GRID2: variants seen among roughly 807,000 people sequenced by gnomAD.
The protein encoded by GRID2 is glutamate receptor ionotropic, delta-2.
Under a neutral mutation model 114.8 loss-of-function variants are expected in GRID2, and 33 were observed. That is an observed-to-expected ratio of 0.29 (90% CI 0.22 to 0.38). The LOEUF (loss-of-function observed/expected upper bound fraction) is 0.38. Ranked by LOEUF, GRID2 falls within the 10% of genes least tolerant of loss-of-function variation. The probability of loss-of-function intolerance (pLI) is 1.00; values close to 1 mark genes in which losing one functional copy is unlikely to be tolerated. For synonymous variants in GRID2, 505 were observed against 449.9 expected (o/e 1.12, Z -1.55); for missense variants, 1,184 against 1,257.7 (o/e 0.94, Z 0.89).
chr4:93,337,905 G>C (rs1037895207), intron 8 of GRID2, among the ~76,000 whole-genome samples: 1 of 152,080 alleles, frequency 6.6e-6, no homozygotes, highest in Admixed American at 6.6e-5. Flanking sequence ...TACACCCTTT[G>C]CCTTCCCTAG....
chr4:92,376,580 G>C (rs1729366653), intron 1 of GRID2, among the ~76,000 whole-genome samples: 1 of 152,130 alleles, frequency 6.6e-6, no homozygotes, highest in Non-Finnish European at 1.5e-5. Context: ...TGCCCCATTA[G>C]GGACTCTGTG....
intron 13 of GRID2, among the ~76,000 whole-genome samples, chr4:93,609,277 A>C (rs1395191490): frequency 1.2e-5 from 1 of 80,350 alleles, no homozygotes; most frequent in East Asian, 2.3e-4. Context: ...GTTCACTCTG[A>C]TGGTAGTTTC....
At chr4:93,114,919 G>A (rs1350558518) in intron 4 of GRID2, among the ~76,000 whole-genome samples, 2 of 152,104 alleles carry the variant, frequency 1.3e-5, no homozygotes, top group Admixed American at 6.6e-5. Flanking sequence ...TAATAATGAT[G>A]GATCAATGAT....
intron 1 of GRID2, among the ~76,000 whole-genome samples, chr4:92,579,019 A>AT (rs1728046721): frequency 6.6e-6 from 1 of 152,220 alleles, no homozygotes; most frequent in African/African-American, 2.4e-5. Flanking sequence ...AAACAACAAT[A>AT]TTTTTTGAGT....
chr4:93,419,125 C>G (rs941673177), intron 9 of GRID2, among the ~76,000 whole-genome samples: 3 of 118,368 alleles, frequency 2.5e-5, no homozygotes, highest in Non-Finnish European at 5.0e-5. Context: ...CTTTGTTGTC[C>G]TGTCAGTACC....
At chr4:93,423,707 A>C (rs1250703693) in intron 10 of GRID2, among the ~76,000 whole-genome samples, 1 of 152,076 alleles carries the variant, frequency 6.6e-6, no homozygotes, top group African/African-American at 2.4e-5. Context: ...TTCAATTCTC[A>C]GAAAGGTGTT....
chr4:93,773,347 T>C lies in GRID2; in HGVS notation c.*849T>C, dbSNP rs1734242185. 21 of 152,178 alleles carry C rather than the reference T, an allele frequency of 1.4e-4. No homozygotes were observed. Among genetic ancestry groups the C allele is most frequent in the Admixed American group, 1.4e-3 (21 of 15,272 alleles). 9.4% of individuals were successfully genotyped at this position (152,178 alleles called of 1,614,324 possible). ...TATTGTATACAGGAACTATGTATAG[T>C]GCAGGGGTTCTTTTCAGTTAGAAAA... On this transcript the variant is annotated 3_prime_UTR_variant, in exon 16 of 16. Coordinates refer to ENST00000282020, the MANE Select transcript of GRID2 (RefSeq NM_001510.4).
chr4:92,520,610 T>C (rs1724721957), intron 1 of GRID2, among the ~76,000 whole-genome samples: 1 of 151,956 alleles, frequency 6.6e-6, no homozygotes, highest in Non-Finnish European at 1.5e-5. Flanking sequence ...GGTATGCTAA[T>C]AGGCGCCCTA....
chr4:93,245,025 TAGAG>T (rs1380945377), intron 8 of GRID2, among the ~76,000 whole-genome samples: 3 of 152,226 alleles, frequency 2.0e-5, no homozygotes, highest in Non-Finnish European at 2.9e-5. Flanking sequence ...GTTTATATAA[TAGAG>T]AGAATCTAGA....
At chr4:93,441,439 T>C (rs1025569003) in intron 10 of GRID2, among the ~76,000 whole-genome samples, 2 of 152,018 alleles carry the variant, frequency 1.3e-5, no homozygotes, top group African/African-American at 4.8e-5. Context: ...AAAAATTTAT[T>C]ATAGCCTAGA....
At chr4:93,672,404 C>A (rs992282808) in intron 14 of GRID2, among the ~76,000 whole-genome samples, 1 of 152,210 alleles carries the variant, frequency 6.6e-6, no homozygotes, top group Admixed American at 6.5e-5. Flanking sequence ...CCCCCATGGG[C>A]AGAAAAGAGC....
chr4:92,467,155 T>C (rs1721800823), intron 1 of GRID2, among the ~76,000 whole-genome samples: 1 of 151,840 alleles, frequency 6.6e-6, no homozygotes, highest in African/African-American at 2.4e-5. Flanking sequence ...TTACACAATA[T>C]TTTATTTGAA....
intron 8 of GRID2, among the ~76,000 whole-genome samples, chr4:93,362,820 G>T (rs1761998359): frequency 6.6e-6 from 1 of 152,126 alleles, no homozygotes; most frequent in Admixed American, 6.5e-5. Context: ...AATCCCAGTA[G>T]TTCTCTACTC....
intron 4 of GRID2, among the ~76,000 whole-genome samples, chr4:93,141,876 C>T (rs564276188): frequency 6.6e-6 from 1 of 152,308 alleles, no homozygotes; most frequent in Admixed American, 6.5e-5. Flanking sequence ...TCTTGTTTGA[C>T]TTTCCTACAC....
chr4:93,593,571 C>G (rs1199463015), intron 13 of GRID2, among the ~76,000 whole-genome samples: 1 of 147,610 alleles, frequency 6.8e-6, no homozygotes, highest in African/African-American at 2.5e-5. Context: ...TTGTGGCGTT[C>G]TCTGTATTTC....
chr4:92,460,836 A>T (rs1188334483), intron 1 of GRID2, among the ~76,000 whole-genome samples: 1 of 151,980 alleles, frequency 6.6e-6, no homozygotes, highest in East Asian at 1.9e-4. Flanking sequence ...TATAATATTT[A>T]AAAACAGTAG....
intron 1 of GRID2, among the ~76,000 whole-genome samples, chr4:92,544,423 C>G (rs909032480): frequency 6.6e-6 from 1 of 152,086 alleles, no homozygotes; most frequent in African/African-American, 2.4e-5. Flanking sequence ...GTGTAAGCAC[C>G]TGGTGACTTC....
intron 2 of GRID2, among the ~76,000 whole-genome samples, chr4:93,030,601 T>C (rs1223507131): frequency 6.6e-6 from 1 of 151,826 alleles, no homozygotes; most frequent in Admixed American, 6.6e-5. Flanking sequence ...GCCAGGCTGG[T>C]CTCGAACTCC....
At chr4:93,420,105 G>C (rs1024005146) in intron 9 of GRID2, among the ~76,000 whole-genome samples, 2 of 152,060 alleles carry the variant, frequency 1.3e-5, no homozygotes, top group Admixed American at 1.3e-4. Flanking sequence ...ATTGGTAGAA[G>C]AGCCAGTCAA....
Sources: gnomAD v4.1 joint callset for allele counts (sites outside exome capture counted in the v4.1 genomes callset) on GRCh38, gnomAD v4.1.1 for gene constraint, MANE v1.5 for transcripts, NCBI Gene and HGNC (gene_info 2026-07-23, HGNC 2026-07-21) for gene names.